Variants in SLC24A3 observed in about 807,000 individuals in gnomAD.
SLC24A3 encodes the protein solute carrier family 24 member 3.
In SLC24A3, 28 loss-of-function variants were observed where a neutral mutation model predicts 75.8. The ratio of observed to expected loss-of-function variants is 0.37; its 90% confidence interval spans 0.27 to 0.51. SLC24A3 has a LOEUF of 0.51. SLC24A3 is among the 20% of genes least tolerant of loss of function. The pLI is 0.94. For synonymous variants in SLC24A3, 372 were observed against 334.1 expected (o/e 1.11, Z -1.24); for missense variants, 663 against 847.8 (o/e 0.78, Z 2.71).
At chr20:19,297,523 C>T (rs1431628347) in intron 2 of SLC24A3, among the ~76,000 whole-genome samples, 1 of 152,206 alleles carries the variant, frequency 6.6e-6, no homozygotes, top group Non-Finnish European at 1.5e-5. Flanking sequence ...ACAATATGTG[C>T]TTTTGGATGT....
At chr20:19,307,046 T>C (rs759449217) in intron 2 of SLC24A3, among the ~76,000 whole-genome samples, 3 of 152,142 alleles carry the variant, frequency 2.0e-5, no homozygotes, top group Non-Finnish European at 4.4e-5. Context: ...CTGGTGAGGA[T>C]ATTGGTTGGA....
chr20:19,555,332 G>T lies in SLC24A3; in HGVS notation c.349-24668G>T, dbSNP rs1285085639. Among the ~76,000 whole-genome samples, 4 of 152,296 alleles carry T rather than the reference G, an allele frequency of 2.6e-5. No homozygotes were observed. The East Asian group carries it at 7.7e-4, about 29-fold the overall frequency. On this transcript the variant is annotated intron_variant, in intron 3 of 16. Transcript: ENST00000328041. ...GATTATGTCAGAGGCCCCTGGTCGT[G>T]ATTTGACACTTCTTAAAGAAACAAA... is the stretch of plus-strand genomic sequence containing the variant.
At chr20:19,536,124 T>C (rs1299131234) in intron 3 of SLC24A3, among the ~76,000 whole-genome samples, 1 of 152,274 alleles carries the variant, frequency 6.6e-6, no homozygotes, top group East Asian at 1.9e-4. Flanking sequence ...GAGATGCCGC[T>C]GATGGAGATT....
chr20:19,401,233 C>T (rs6081585), intron 2 of SLC24A3, among the ~76,000 whole-genome samples: 48,807 of 152,092 alleles, frequency 0.32, 9,441 homozygotes, highest in Middle Eastern at 0.52. Context: ...GGCTGAAGCA[C>T]GAGTCCACAG....
chr20:19,418,451 A>G (rs1408815403), intron 2 of SLC24A3, among the ~76,000 whole-genome samples: 1 of 152,090 alleles, frequency 6.6e-6, no homozygotes, highest in Non-Finnish European at 1.5e-5. Context: ...TGGATGGAAT[A>G]AAGTAGGGGG....
Position 19,374,046 on chromosome 20 carries a change from G to T in SLC24A3, c.271+92959G>T, listed in dbSNP as rs367853798. On this transcript the variant is annotated intron_variant, in intron 2 of 16. Transcript: ENST00000328041. ...TTTCACAGCATCATTTTGTAACGTA[G>T]CATAGGTACTTGAATGCCAAATGCC... is the stretch of plus-strand genomic sequence containing the variant. 3.6e-4 allele frequency among the ~76,000 whole-genome samples: 55 copies of T among 152,266 alleles called. No individual in the cohort carries two copies. In the South Asian group the frequency reaches 4.1e-3, roughly 11 times the overall value.
chr20:19,234,998 A>G (rs723768), intron 1 of SLC24A3, among the ~76,000 whole-genome samples: 62,259 of 152,066 alleles, frequency 0.41, 13,811 homozygotes, highest in East Asian at 0.91. Flanking sequence ...TTGTAAACTC[A>G]CACACACTGA....
intron 6 of SLC24A3, among the ~76,000 whole-genome samples, chr20:19,642,091 A>T (rs1229742165): frequency 3.3e-5 from 5 of 152,244 alleles, no homozygotes; most frequent in African/African-American, 4.8e-5. Flanking sequence ...AAAGGCATGT[A>T]AAGTGCTGAG....
intron 1 of SLC24A3, among the ~76,000 whole-genome samples, chr20:19,263,585 C>T (rs1224044264): frequency 1.3e-5 from 2 of 152,214 alleles, no homozygotes; most frequent in Non-Finnish European, 2.9e-5. Context: ...CAGGAAAGTC[C>T]TGCTTGCATC....
intron 1 of SLC24A3, among the ~76,000 whole-genome samples, chr20:19,233,200 G>A (rs1170788099): frequency 6.6e-6 from 1 of 152,244 alleles, no homozygotes; most frequent in South Asian, 2.1e-4. Context: ...TCCGGGGTGG[G>A]GAGGGTCTCT....
chr20:19,708,148 G>C (rs183044182), intron 15 of SLC24A3, among the ~76,000 whole-genome samples: 36 of 152,230 alleles, frequency 2.4e-4, no homozygotes, highest in Admixed American at 2.4e-3. Context: ...AAGTATATCA[G>C]ACCTTGTCCA....
At chr20:19,354,816 T>C (rs1474637925) in intron 2 of SLC24A3, among the ~76,000 whole-genome samples, 2 of 152,272 alleles carry the variant, frequency 1.3e-5, no homozygotes, top group African/African-American at 4.8e-5. Context: ...ATATGGTTGA[T>C]AGAAATGTAC....
chr20:19,689,093 T>A (rs1011071160), intron 12 of SLC24A3, among the ~76,000 whole-genome samples: 1 of 152,200 alleles, frequency 6.6e-6, no homozygotes, highest in Non-Finnish European at 1.5e-5. Context: ...AGAAACCTTT[T>A]CATGTGTATG....
rs114454978 is a variant in SLC24A3, at chr20:19,653,508, G to A, written c.613-554G>A. Among the ~76,000 whole-genome samples the A allele has an allele frequency of 4.7e-3, 716 of 152,330 alleles. 6 individuals are homozygous for A. The highest frequency in any genetic ancestry group is 0.016 in the African/African-American group (682 of 41,570). ...CTTGTCCACACCCCTTCTGAAGGGC[G>A]GCAGCAGCCCAGCACATGTTGCTCA... is the stretch of plus-strand genomic sequence containing the variant. On this transcript the variant is annotated intron_variant, in intron 6 of 16. Transcript: ENST00000328041.
intron 2 of SLC24A3, among the ~76,000 whole-genome samples, chr20:19,380,532 A>G (rs1212017033): frequency 6.6e-6 from 1 of 152,214 alleles, no homozygotes. Flanking sequence ...GGAAGGGGGA[A>G]GATTCAACCT....
chr20:19,430,348 G>T (rs1987079043), intron 2 of SLC24A3, among the ~76,000 whole-genome samples: 1 of 152,130 alleles, frequency 6.6e-6, no homozygotes, highest in Non-Finnish European at 1.5e-5. Context: ...GCTCAGGCAG[G>T]TGCAATCTCC....
At position 19,306,594 on chromosome 20, in the gene SLC24A3, G is replaced by A. The variant is rs186551220; in HGVS notation, c.271+25507G>A. Among the ~76,000 whole-genome samples, 76 of 152,206 alleles carry A rather than the reference G, an allele frequency of 5.0e-4. No individual in the cohort carries two copies. In the East Asian group the frequency reaches 6.4e-3, roughly 13 times the overall value. ...AGGCCATGATCCTAAGTGAATTATC[G>A]CAAGAACAGAAAACCAAATGCTACA... On this transcript the variant is annotated intron_variant, in intron 2 of 16. Coordinates refer to ENST00000328041, the MANE Select transcript of SLC24A3 (RefSeq NM_020689.4).
At chr20:19,259,321 C>T (rs1982912581) in intron 1 of SLC24A3, among the ~76,000 whole-genome samples, 1 of 152,218 alleles carries the variant, frequency 6.6e-6, no homozygotes. Context: ...AGCTTTCCTT[C>T]TGGAATGGGC....
At chr20:19,655,910 A>G (rs928523955) in intron 7 of SLC24A3, among the ~76,000 whole-genome samples, 3 of 152,018 alleles carry the variant, frequency 2.0e-5, no homozygotes, top group Admixed American at 1.3e-4. Flanking sequence ...TTCATTTTAT[A>G]TATATATATC....
Sources: allele counts gnomAD v4.1 joint callset (sites outside exome capture counted in the v4.1 genomes callset), GRCh38; gene constraint gnomAD v4.1.1; transcripts MANE v1.5; gene names NCBI Gene and HGNC (gene_info 2026-07-23, HGNC 2026-07-21).